Variants in SI observed in about 807,000 individuals in gnomAD.
The protein encoded by SI is sucrase-isomaltase.
In SI, 235 loss-of-function variants were observed where a neutral mutation model predicts 253.3. That is an observed-to-expected ratio of 0.93 (90% confidence interval 0.83 to 1.03). The LOEUF is 1.03. SI is among the 50% of genes least tolerant of loss of function. The pLI is 0.00. For missense variants in SI, 2,442 were observed against 2,211.1 expected, an observed-to-expected ratio of 1.10 and a Z score of -2.09; for synonymous variants, 819 against 712.0, an observed-to-expected ratio of 1.15 and a Z score of -2.39.
At chr3:165,079,894 C>T (rs79820120), upstream of SI, among the ~76,000 whole-genome samples, 2,674 of 151,740 alleles carry the variant, frequency 0.018, 75 homozygotes, top group African/African-American at 0.061. Context: ...TTGAGAGATA[C>T]GCCATATTCA....
chr3:165,004,852 G>A (rs1454793076), intron 37 of SI, among the ~76,000 whole-genome samples: 2 of 152,120 alleles, frequency 1.3e-5, no homozygotes, highest in African/African-American at 4.8e-5. Flanking sequence ...GTTGGGCTTT[G>A]TGATCCCACC....
intron 47 of SI, among the ~76,000 whole-genome samples, chr3:164,981,729 G>A (rs1462169204): frequency 6.6e-6 from 1 of 152,090 alleles, no homozygotes; most frequent in Non-Finnish European, 1.5e-5. Flanking sequence ...CAATTGGATA[G>A]AATAATAGGC....
intron 16 of SI, among the ~76,000 whole-genome samples, chr3:165,045,477 A>C (rs1560005505): frequency 6.6e-6 from 1 of 151,986 alleles, no homozygotes; most frequent in African/African-American, 2.4e-5. Context: ...TCTTTTTTTA[A>C]CAAATATGCT....
At chr3:165,035,893 A>C (rs1297489399) in intron 22 of SI, among the ~76,000 whole-genome samples, 1 of 151,744 alleles carries the variant, frequency 6.6e-6, no homozygotes. Context: ...TGAATTCCCA[A>C]GTTTGGAGCT....
intron 3 of SI, among the ~76,000 whole-genome samples, chr3:165,071,377 A>G (rs1440152329): frequency 1.3e-5 from 2 of 151,732 alleles, no homozygotes; most frequent in Middle Eastern, 6.8e-3. Context: ...TTCTCATCTA[A>G]TTATTTTCCT....
In SI at chr3:165,006,860, A is replaced by G. The variant is rs749312616; in HGVS notation, c.4362T>C (p.Asp1454=). ...GTGACCATCCATAGAGATTGTGAACATCGTAATGCAAAACTGATGTTCCAT... is the reference window on the plus strand; with the variant it reads ...GTGACCATCCATAGAGATTGTGAACGTCGTAATGCAAAACTGATGTTCCAT... The part of the protein sequence containing the change: ...LSDGTSVLHY[D]VHNLYGWSQM... Residue 1454 remains aspartate, a synonymous_variant, in exon 37 of 48, where the codon GAT becomes GAC. Transcript: ENST00000264382. 4.3e-6 allele frequency: 7 copies of G among 1,612,612 alleles called. No individual in the cohort carries two copies. The South Asian group carries it at 4.4e-5, about 10-fold the overall frequency.
At chr3:165,005,869 G>A (rs115603910) in intron 37 of SI, among the ~76,000 whole-genome samples, 2,358 of 152,100 alleles carry the variant, frequency 0.016, 25 homozygotes, top group South Asian at 0.027. Flanking sequence ...ATCTCAGCCT[G>A]CCAAAGTGTT....
Position 165,032,740 on chromosome 3 carries a change from A to G in SI, c.2566-48T>C, listed in dbSNP as rs762025713. The G allele has an allele frequency of 4.0e-5, 51 of 1,261,904 alleles. 1 individual carries two copies. In the South Asian group the frequency reaches 6.3e-4, roughly 16 times the overall value. The allele number at this position is 1,261,904 out of a possible 1,614,324, so 78.2% of individuals were successfully genotyped here. Reference sequence around the variant, plus strand: ...TTATATATTAGGTCATCAGATACAAACCTGAAATAACAATACCGATAAGAA... The same window carrying G: ...TTATATATTAGGTCATCAGATACAAGCCTGAAATAACAATACCGATAAGAA... On this transcript the variant is annotated intron_variant, in intron 23 of 47. Coordinates refer to ENST00000264382, the MANE Select transcript of SI (RefSeq NM_001041.4).
Position 164,979,410 on chromosome 3 carries a change from G to C in SI, c.5436C>G (p.Thr1812=). ...GTTCTTCTAGAGTAACATTGTGTGT[G>C]GTCAGATCAATACGTAATATCTAAA... is the stretch of plus-strand genomic sequence containing the variant. The part of the protein sequence containing the change: ...TTNMILRIDL[T]THNVTLEEPI... The change falls in exon 48 of 48, where the codon ACC becomes ACG. Residue 1812 remains threonine (T), a synonymous_variant. Coordinates refer to ENST00000264382, the MANE Select transcript of SI (RefSeq NM_001041.4). 4 of 1,564,456 alleles carry C rather than the reference G, an allele frequency of 2.6e-6. No individual in the cohort carries two copies. Among genetic ancestry groups the C allele is most frequent in the Non-Finnish European group, 3.5e-6 (4 of 1,136,596 alleles).
intron 43 of SI, 33 bp downstream of exon 43, chr3:164,992,144 T>A (rs1245714522): frequency 2.6e-6 from 4 of 1,554,156 alleles, no homozygotes; most frequent in Non-Finnish European, 3.5e-6. Context: ...CGTTTCTGTT[T>A]AGTTAATTCC....
chr3:165,065,399 A>T lies in SI; in HGVS notation c.669T>A (p.Ser223=). The change falls in exon 7 of 48, where the codon TCT becomes TCA. Residue 223 remains serine, a synonymous_variant. Transcript: ENST00000264382. ...GGGTTGAGATCTGTAAGTACTGGTC[A>T]GAGTACACTAAGGGACCAATGCTGG... is the stretch of plus-strand genomic sequence containing the variant. ...FDTSIGPLVY[S]DQYLQISTRL... is the part of the protein sequence containing the mutation. The T allele has an allele frequency of 6.3e-7, 1 of 1,575,240 alleles. No individual in the cohort carries two copies. Among genetic ancestry groups the T allele is most frequent in the Non-Finnish European group, 8.7e-7 (1 of 1,153,204 alleles).
the SI span, among the ~76,000 whole-genome samples, chr3:165,087,228 G>A: frequency 5.3e-5 from 8 of 152,188 alleles, no homozygotes; most frequent in South Asian, 1.2e-3. Context: ...CCTTGCCACT[G>A]GGTTGGGACA....
chr3:165,040,847 A>G (rs1413643988), intron 18 of SI, 93 bp downstream of exon 18: 8 of 999,264 alleles, frequency 8.0e-6, no homozygotes, highest in Non-Finnish European at 1.6e-6. Flanking sequence ...CAGAAGTTTA[A>G]TTGATATCTT....
At chr3:165,022,235 T>C (rs1455416946) in intron 26 of SI, among the ~76,000 whole-genome samples, 3 of 151,600 alleles carry the variant, frequency 2.0e-5, no homozygotes, top group African/African-American at 7.2e-5. Context: ...ATAGTGTTTT[T>C]TGATGTGAAA....
chr3:165,057,068 G>T (rs1713727744), intron 12 of SI, among the ~76,000 whole-genome samples: 1 of 151,918 alleles, frequency 6.6e-6, no homozygotes, highest in Non-Finnish European at 1.5e-5. Context: ...TAGCTGTTTT[G>T]GGGAAATTCA....
In SI at chr3:165,063,461, TAA is replaced by T; in HGVS notation, c.886_887del (p.Leu296AsnfsTer3). On this transcript the variant is annotated frameshift_variant, in exon 8 of 48. Coordinates refer to ENST00000264382, the MANE Select transcript of SI (RefSeq NM_001041.4). LOFTEE classifies it high-confidence loss of function. ...TCTTACCCATTGCATTGCTATTCAT[TAA>T]AAAAACACCGAATGACTTTCCAGAT... ...DTSGKSFGVF[L>X]MNSNAMEIFI... 6.6e-7 allele frequency: 1 copy of T among 1,520,968 alleles called. No homozygotes were observed. The highest frequency in any genetic ancestry group is 9.1e-7 in the Non-Finnish European group (1 of 1,097,614). 94.2% of individuals were successfully genotyped at this position (1,520,968 alleles called of 1,614,324 possible).
chr3:165,067,047 G>A (rs966687660), intron 6 of SI, among the ~76,000 whole-genome samples: 7 of 151,866 alleles, frequency 4.6e-5, no homozygotes, highest in Non-Finnish European at 7.4e-5. Context: ...ATATAAGGGG[G>A]AAAGACACAA....
chr3:165,030,731 C>T lies in SI; in HGVS notation c.2873G>A (p.Arg958His), dbSNP rs778886006. 11 of 1,608,798 alleles carry T rather than the reference C, an allele frequency of 6.8e-6. No individual in the cohort carries two copies. The highest frequency in any genetic ancestry group is 2.2e-5 in the East Asian group (1 of 44,664). ...DLATEQKCTQ[R>H]GCVWRTGSSL... Reference sequence around the variant, plus strand: ...TATTACCGTTCTCCATACACAGCCACGTTGTGTGCACTTTTGTTCAGTTGC... The same window carrying T: ...TATTACCGTTCTCCATACACAGCCATGTTGTGTGCACTTTTGTTCAGTTGC... The change falls in exon 25 of 48, where the codon CGT becomes CAT. Residue 958 changes from arginine to histidine, a missense_variant. By Grantham distance (29) the Arg-to-His change is conservative (BLOSUM62 0). Transcript: ENST00000264382.
intron 6 of SI, among the ~76,000 whole-genome samples, chr3:165,065,707 A>G (rs556964706): frequency 4.2e-4 from 63 of 151,412 alleles, no homozygotes; most frequent in African/African-American, 1.5e-3. Context: ...ATTATCAATC[A>G]CATTTCAAAG....
Sources: gnomAD v4.1 joint callset for allele counts (sites outside exome capture counted in the v4.1 genomes callset) on GRCh38, gnomAD v4.1.1 for gene constraint, MANE v1.5 for transcripts, NCBI Gene and HGNC (gene_info 2026-07-23, HGNC 2026-07-21) for gene names.